The following LRRTM4 variants were observed in gnomAD, a reference collection of about 807,000 sequenced individuals.
LRRTM4 encodes leucine rich repeat transmembrane neuronal 4.
A neutral mutation model predicts 47.6 loss-of-function variants in LRRTM4; 25 were observed. The ratio of observed to expected loss-of-function variants is 0.53; its 90% CI spans 0.38 to 0.73. The LOEUF is 0.73. Among genes scored for constraint, LRRTM4 ranks in the 30% least tolerant of loss-of-function variants. The pLI, the probability that LRRTM4 is intolerant of heterozygous loss-of-function variation, is 0.00. For synonymous variants in LRRTM4, 311 were observed against 269.5 expected (o/e 1.15, Z -1.51); for missense variants, 638 against 713.4 (o/e 0.89, Z 1.20).
chr2:76,749,029 T>C, intron 3 of LRRTM4, 113 bp from the exon 4 acceptor site: 1 of 754,622 alleles, frequency 1.3e-6, no homozygotes, highest in African/African-American at 1.8e-5. Flanking sequence ...AGTCATCAGC[T>C]ACAAATTCAA....
At chr2:77,187,561 A>T (rs138582257) in intron 3 of LRRTM4, among the ~76,000 whole-genome samples, 154 of 152,180 alleles carry the variant, frequency 1.0e-3, no homozygotes, top group African/African-American at 3.5e-3. Context: ...CCAACATGGC[A>T]CGTGTATACA....
rs1047527327 is a variant in LRRTM4 at position 77,171,934 on chromosome 2, A to C, written c.1551+346384T>G. Among the ~76,000 whole-genome samples the C allele has an allele frequency of 3.3e-5, 5 of 152,146 alleles. No homozygotes were observed. The East Asian group carries it at 9.7e-4, about 29-fold the overall frequency. ...ACTTTGTAAGGGTTGTACAATTCAGAGGAGTCACAGTTATACATGAATGAA... is the reference window on the plus strand; with the variant it reads ...ACTTTGTAAGGGTTGTACAATTCAGCGGAGTCACAGTTATACATGAATGAA... On this transcript the variant is annotated intron_variant, in intron 3 of 3. Transcript: ENST00000409884.
At chr2:77,250,972 G>A (rs982917781) in intron 3 of LRRTM4, among the ~76,000 whole-genome samples, 9 of 151,870 alleles carry the variant, frequency 5.9e-5, no homozygotes, top group Admixed American at 2.0e-4. Flanking sequence ...GCATGGTGGT[G>A]CATGCCTGTA....
chr2:77,447,382 G>C (rs1676094135), intron 3 of LRRTM4, among the ~76,000 whole-genome samples: 1 of 152,014 alleles, frequency 6.6e-6, no homozygotes, highest in South Asian at 2.1e-4. Context: ...CTGCCCACAA[G>C]AACAATAGGC....
At chr2:76,906,937 A>G (rs569618182) in intron 3 of LRRTM4, among the ~76,000 whole-genome samples, 2 of 151,740 alleles carry the variant, frequency 1.3e-5, no homozygotes, top group African/African-American at 4.9e-5. Flanking sequence ...AGACAGATCA[A>G]TGAGACAGAA....
At chr2:77,478,349 C>T (rs912792668) in intron 3 of LRRTM4, among the ~76,000 whole-genome samples, 5 of 152,098 alleles carry the variant, frequency 3.3e-5, no homozygotes, top group Non-Finnish European at 7.4e-5. Flanking sequence ...AGACGTAGCT[C>T]GGGTTTCACA....
chr2:77,007,151 G>A (rs1374389), intron 3 of LRRTM4, among the ~76,000 whole-genome samples: 62,336 of 151,546 alleles, frequency 0.41, 12,925 homozygotes, highest in East Asian at 0.52. Flanking sequence ...TAAATAAAGA[G>A]GAATATATAT....
intron 3 of LRRTM4, among the ~76,000 whole-genome samples, chr2:77,056,545 G>T (rs901162714): frequency 2.6e-5 from 4 of 152,060 alleles, no homozygotes; most frequent in South Asian, 4.1e-4. Context: ...ATAAAGAGAT[G>T]AAAGTAATTG....
chr2:76,766,654 T>A (rs1019280368), intron 3 of LRRTM4, among the ~76,000 whole-genome samples: 6 of 152,226 alleles, frequency 3.9e-5, no homozygotes, highest in African/African-American at 1.4e-4. Context: ...AGTATTTATT[T>A]CTTGCTAATC....
intron 3 of LRRTM4, among the ~76,000 whole-genome samples, chr2:77,237,127 T>A (rs1490424358): frequency 6.6e-6 from 1 of 151,750 alleles, no homozygotes; most frequent in African/African-American, 2.4e-5. Context: ...CTTCTTTGCA[T>A]AACTGGTAGA....
chr2:77,417,455 C>T (rs778563439), intron 3 of LRRTM4, among the ~76,000 whole-genome samples: 7 of 151,924 alleles, frequency 4.6e-5, no homozygotes, highest in Non-Finnish European at 7.4e-5. Context: ...ATGTTTATTG[C>T]GACACTATTC....
chr2:76,798,793 C>T (rs1285686105), intron 3 of LRRTM4, among the ~76,000 whole-genome samples: 2 of 151,598 alleles, frequency 1.3e-5, no homozygotes, highest in African/African-American at 4.8e-5. Flanking sequence ...CACAGAAATA[C>T]AAACTACCAT....
chr2:77,419,683 T>C (rs1573388574), intron 3 of LRRTM4, among the ~76,000 whole-genome samples: 1 of 152,138 alleles, frequency 6.6e-6, no homozygotes, highest in East Asian at 1.9e-4. Context: ...TGTATTTTGT[T>C]TGGGGTTATT....
chr2:77,390,472 C>T (rs1673459273), intron 3 of LRRTM4, among the ~76,000 whole-genome samples: 1 of 151,882 alleles, frequency 6.6e-6, no homozygotes, highest in South Asian at 2.1e-4. Flanking sequence ...ACATTGCAGT[C>T]AAGAAACATC....
At chr2:77,036,303 C>T (rs1021027623) in intron 3 of LRRTM4, among the ~76,000 whole-genome samples, 2 of 151,754 alleles carry the variant, frequency 1.3e-5, no homozygotes, top group Non-Finnish European at 2.9e-5. Context: ...ATCCACATTT[C>T]TACATAGATA....
rs149909362 is a variant in LRRTM4, at chr2:77,517,059, T to G, written c.1551+1259A>C. 418 of 985,002 alleles carry G rather than the reference T, an allele frequency of 4.2e-4. 5 individuals are homozygous for G. In the African/African-American group the frequency reaches 6.8e-3, roughly 16 times the overall value. The allele number at this position is 985,002 out of a possible 1,614,324, so 61.0% of individuals were successfully genotyped here. On this transcript the variant is annotated intron_variant, in intron 3 of 3. Coordinates refer to ENST00000409884, the MANE Select transcript of LRRTM4 (RefSeq NM_001134745.3). ...CATTATATTGCCAGAATTTAACCTC[T>G]CTTCACTAGTTTCTTCCAGCAACAA...
intron 3 of LRRTM4, among the ~76,000 whole-genome samples, chr2:76,974,199 T>TATATACATACATAC (rs1676329082): frequency 1.1e-5 from 1 of 94,814 alleles, no homozygotes; most frequent in Non-Finnish European, 2.1e-5. Context: ...TATATATACA[T>TATATACATACATAC]ATATATATAT....
At chr2:77,104,979 G>A (rs1338383178) in intron 3 of LRRTM4, among the ~76,000 whole-genome samples, 1 of 151,094 alleles carries the variant, frequency 6.6e-6, no homozygotes, top group Non-Finnish European at 1.5e-5. Flanking sequence ...GAGAGTTCAA[G>A]AAAAGCCACT....
At chr2:77,217,694 T>C (rs995293685) in intron 3 of LRRTM4, among the ~76,000 whole-genome samples, 1 of 151,684 alleles carries the variant, frequency 6.6e-6, no homozygotes, top group Non-Finnish European at 1.5e-5. Context: ...AGTTCTTGCA[T>C]ACCAATTACA....
Sources: allele counts gnomAD v4.1 joint callset (sites outside exome capture counted in the v4.1 genomes callset), GRCh38; gene constraint gnomAD v4.1.1; transcripts MANE v1.5; gene names NCBI Gene and HGNC (gene_info 2026-07-23, HGNC 2026-07-21).